Variants in LRRTM4 observed in about 807,000 individuals in gnomAD.
LRRTM4 encodes the protein leucine-rich repeat transmembrane neuronal protein 4.
A neutral mutation model predicts 47.6 loss-of-function variants in LRRTM4; 25 were observed. The ratio of observed to expected loss-of-function variants is 0.53; its 90% CI spans 0.38 to 0.73. LRRTM4 has a LOEUF of 0.73. Among genes scored for constraint, LRRTM4 ranks in the 30% least tolerant of loss-of-function variants. LRRTM4 has a pLI of 0.00. For missense variants in LRRTM4, 638 were observed against 713.4 expected (o/e 0.89, Z 1.20); for synonymous variants, 311 against 269.5 (o/e 1.15, Z -1.51).
intron 3 of LRRTM4, among the ~76,000 whole-genome samples, chr2:76,955,682 A>T (rs74463145): frequency 0.053 from 7,979 of 151,732 alleles, 479 homozygotes; most frequent in East Asian, 0.14. Flanking sequence ...GCTCTCTTGA[A>T]TGGAATTAAT....
intron 3 of LRRTM4, among the ~76,000 whole-genome samples, chr2:77,450,252 TTCTC>T (rs1391658968): frequency 4.7e-5 from 7 of 149,302 alleles, no homozygotes; most frequent in African/African-American, 7.4e-5. Flanking sequence ...ACTCTCCTCT[TTCTC>T]TCTCCGTCTC....
At chr2:76,810,889 C>G (rs1321452521) in intron 3 of LRRTM4, among the ~76,000 whole-genome samples, 1 of 152,052 alleles carries the variant, frequency 6.6e-6, no homozygotes, top group Non-Finnish European at 1.5e-5. Context: ...CACTATCTTA[C>G]CATTGACACA....
intron 3 of LRRTM4, among the ~76,000 whole-genome samples, chr2:77,510,156 G>T (rs565035630): frequency 3.9e-5 from 6 of 152,228 alleles, no homozygotes; most frequent in African/African-American, 1.4e-4. Context: ...ATAGTGAAAT[G>T]AATGCATCAT....
chr2:77,359,209 T>G (rs1215094264), intron 3 of LRRTM4, among the ~76,000 whole-genome samples: 1 of 152,142 alleles, frequency 6.6e-6, no homozygotes. Context: ...ATGTTCTTGT[T>G]TTATGACTTT....
chr2:77,114,304 A>T (rs1032650308), intron 3 of LRRTM4, among the ~76,000 whole-genome samples: 5 of 152,272 alleles, frequency 3.3e-5, no homozygotes, highest in African/African-American at 1.2e-4. Flanking sequence ...TCAGGAAACC[A>T]AGGACAGTGT....
At chr2:76,795,244 TA>T (rs1675214435) in intron 3 of LRRTM4, among the ~76,000 whole-genome samples, 1 of 143,472 alleles carries the variant, frequency 7.0e-6, no homozygotes, top group Non-Finnish European at 1.5e-5. Flanking sequence ...TTTTGTACTT[TA>T]AAAATCATTT....
chr2:77,335,124 T>C (rs1671114159), intron 3 of LRRTM4, among the ~76,000 whole-genome samples: 1 of 152,194 alleles, frequency 6.6e-6, no homozygotes, highest in South Asian at 2.1e-4. Context: ...TTGGATGTTA[T>C]ATCATATTTT....
intron 3 of LRRTM4, among the ~76,000 whole-genome samples, chr2:76,801,576 A>AGTGG (rs1675684603): frequency 6.6e-6 from 1 of 152,084 alleles, no homozygotes; most frequent in Non-Finnish European, 1.5e-5. Context: ...ATGATGAGTT[A>AGTGG]GTGGGTGCAG....
intron 3 of LRRTM4, among the ~76,000 whole-genome samples, chr2:77,218,296 G>T (rs1192071270): frequency 6.6e-6 from 1 of 151,992 alleles, no homozygotes; most frequent in African/African-American, 2.4e-5. Context: ...ACCCAGCTGA[G>T]GTCTCTTTTT....
intron 3 of LRRTM4, among the ~76,000 whole-genome samples, chr2:77,082,804 GCT>G (rs1423374134): frequency 6.6e-6 from 1 of 151,744 alleles, no homozygotes; most frequent in Non-Finnish European, 1.5e-5. Flanking sequence ...TCACGTATTT[GCT>G]CTTTTAAAAA....
intron 3 of LRRTM4, among the ~76,000 whole-genome samples, chr2:76,926,864 T>C (rs1469830372): frequency 6.6e-6 from 1 of 152,126 alleles, no homozygotes; most frequent in African/African-American, 2.4e-5. Flanking sequence ...TGCATGTACA[T>C]ACTATTCCTT....
At chr2:76,873,506 G>GTGTGTATATA (rs367573475) in intron 3 of LRRTM4, among the ~76,000 whole-genome samples, 104 of 112,314 alleles carry the variant, frequency 9.3e-4, no homozygotes, top group East Asian at 5.5e-3. Flanking sequence ...ATATATGTGT[G>GTGTGTATATA]TATATATATA....
rs145234009 is a variant in LRRTM4 at position 77,461,174 on chromosome 2, A to T, written c.1551+57144T>A. ...GAGAGAGAGAGAGAGAGAGAGTTCT[A>T]TCTGCTGACCTTGAAGTCTTTTCCT... On this transcript the variant is annotated intron_variant, in intron 3 of 3. Transcript: ENST00000409884. 1.6e-3 allele frequency among the ~76,000 whole-genome samples: 235 copies of T among 150,230 alleles called. 2 individuals carry two copies. The highest frequency in any genetic ancestry group is 5.6e-3 in the African/African-American group (229 of 40,824).
At chr2:76,768,510 A>G in intron 3 of LRRTM4, among the ~76,000 whole-genome samples, 1 of 152,164 alleles carries the variant, frequency 6.6e-6, no homozygotes, top group East Asian at 1.9e-4. Flanking sequence ...TTCTAGAGAT[A>G]CACAAATTAT....
intron 3 of LRRTM4, among the ~76,000 whole-genome samples, chr2:76,749,401 CAT>C (rs1451737453): frequency 2.0e-5 from 3 of 152,024 alleles, no homozygotes; most frequent in South Asian, 2.1e-4. Context: ...TATATATAAA[CAT>C]ATATGTAACT....
intron 3 of LRRTM4, among the ~76,000 whole-genome samples, chr2:76,993,756 A>G (rs934328321): frequency 6.6e-6 from 1 of 151,926 alleles, no homozygotes; most frequent in African/African-American, 2.4e-5. Context: ...AACAATGGGT[A>G]TGTATCTAAA....
intron 3 of LRRTM4, among the ~76,000 whole-genome samples, chr2:76,968,607 A>G (rs1204303592): frequency 6.6e-6 from 1 of 151,382 alleles, no homozygotes; most frequent in Non-Finnish European, 1.5e-5. Context: ...TTAGCTAACT[A>G]TTCTGTTTGG....
At chr2:77,371,126 G>C (rs562349995) in intron 3 of LRRTM4, among the ~76,000 whole-genome samples, 1 of 151,712 alleles carries the variant, frequency 6.6e-6, no homozygotes, top group African/African-American at 2.4e-5. Flanking sequence ...TTACATATGT[G>C]AATGTACCAT....
chr2:76,927,497 G>A (rs112340842), intron 3 of LRRTM4, among the ~76,000 whole-genome samples: 1 of 152,036 alleles, frequency 6.6e-6, no homozygotes, highest in Non-Finnish European at 1.5e-5. Context: ...AATTGGAAAG[G>A]CTTCCTGGTA....
Sources: gnomAD v4.1 joint callset for allele counts (sites outside exome capture counted in the v4.1 genomes callset) on GRCh38, gnomAD v4.1.1 for gene constraint, MANE v1.5 for transcripts, NCBI Gene and HGNC (gene_info 2026-07-23, HGNC 2026-07-21) for gene names.